The following DTWD2 variants were observed in gnomAD, a reference collection of about 807,000 sequenced individuals.
The protein encoded by DTWD2 is tRNA-uridine aminocarboxypropyltransferase 2.
A neutral mutation model predicts 31.8 loss-of-function variants in DTWD2; 39 were observed. The observed-to-expected ratio is 1.22, with a 90% CI of 0.95 to 1.60. The LOEUF is 1.60. Among genes scored for constraint, DTWD2 ranks in the 40% most tolerant of loss-of-function variants. The pLI is 0.00. For synonymous variants in DTWD2, 180 were observed against 142.8 expected (o/e 1.26, Z -1.86); for missense variants, 515 against 381.5 (o/e 1.35, Z -2.92).
Position 118,988,423 on chromosome 5 carries a change from T to A in DTWD2, c.89A>T (p.Glu30Val). ...ASSSQTPNDK[E>V]RREGGAVPAA... ...CGGCACTGCGCCGCCCTCCCGCCGCTCCTTGTCGTTCGGCGTCTGAGAGCT... is the reference window on the plus strand; with the variant it reads ...CGGCACTGCGCCGCCCTCCCGCCGCACCTTGTCGTTCGGCGTCTGAGAGCT... The change falls in exon 1 of 6, where the codon GAG becomes GTG. Residue 30 changes from glutamate (E) to valine (V), a missense_variant. Transcript: ENST00000510708. The A allele has an allele frequency of 2.5e-6, 4 of 1,606,652 alleles. No individual in the cohort carries two copies. The highest frequency in any genetic ancestry group is 3.4e-6 in the Non-Finnish European group (4 of 1,178,096).
intron 4 of DTWD2, among the ~76,000 whole-genome samples, chr5:118,854,562 T>C (rs1037496341): frequency 3.3e-5 from 5 of 152,064 alleles, no homozygotes; most frequent in African/African-American, 9.7e-5. Context: ...TTAAATTATA[T>C]AGTCATATAA....
chr5:118,901,385 A>C (rs1248544395), intron 4 of DTWD2, among the ~76,000 whole-genome samples: 1 of 152,224 alleles, frequency 6.6e-6, no homozygotes, highest in Non-Finnish European at 1.5e-5. Flanking sequence ...ATTTGAGAAA[A>C]ACCAGACAAT....
At chr5:118,875,730 C>G (rs1752606410) in intron 4 of DTWD2, among the ~76,000 whole-genome samples, 1 of 152,098 alleles carries the variant, frequency 6.6e-6, no homozygotes, top group Admixed American at 6.6e-5. Flanking sequence ...TCTCAGAGAC[C>G]TTCAAGGAGA....
chr5:118,985,517 TAC>T (rs1260597928), intron 1 of DTWD2, among the ~76,000 whole-genome samples: 4,070 of 107,706 alleles, frequency 0.038, 74 homozygotes, highest in Middle Eastern at 0.11. Context: ...TATATATATA[TAC>T]ACACACATAT....
chr5:118,845,002 C>G (rs1004261532), intron 5 of DTWD2, among the ~76,000 whole-genome samples: 2 of 152,090 alleles, frequency 1.3e-5, no homozygotes, highest in Non-Finnish European at 2.9e-5. Context: ...CAAAAATTAG[C>G]TGGGCATGGT....
chr5:118,962,040 G>A (rs962495115), intron 1 of DTWD2, among the ~76,000 whole-genome samples: 1 of 152,030 alleles, frequency 6.6e-6, no homozygotes, highest in African/African-American at 2.4e-5. Flanking sequence ...TCAGGAGTTC[G>A]AGACCAGTCT....
chr5:118,960,098 T>A (rs1754674229), intron 1 of DTWD2, among the ~76,000 whole-genome samples: 1 of 152,096 alleles, frequency 6.6e-6, no homozygotes, highest in Non-Finnish European at 1.5e-5. Flanking sequence ...CAAATGGGAC[T>A]TAATTAAAAA....
intron 1 of DTWD2, among the ~76,000 whole-genome samples, chr5:118,975,081 G>C (rs963211509): frequency 3.9e-5 from 6 of 152,138 alleles, no homozygotes; most frequent in Non-Finnish European, 7.3e-5. Context: ...GTCTTGCTAG[G>C]TTGGGGAAGT....
chr5:118,860,364 C>T (rs1200010030), intron 4 of DTWD2, among the ~76,000 whole-genome samples: 1 of 151,248 alleles, frequency 6.6e-6, no homozygotes, highest in Non-Finnish European at 1.5e-5. Flanking sequence ...AATATCATTC[C>T]TTTTCATATT....
At chr5:118,870,752 T>A (rs894994543) in intron 4 of DTWD2, among the ~76,000 whole-genome samples, 1 of 152,048 alleles carries the variant, frequency 6.6e-6, no homozygotes, top group African/African-American at 2.4e-5. Flanking sequence ...ATAATGAAGT[T>A]TGCTGCATCA....
At chr5:118,926,991 G>A (rs764282551) in intron 4 of DTWD2, among the ~76,000 whole-genome samples, 4 of 152,188 alleles carry the variant, frequency 2.6e-5, no homozygotes, top group Admixed American at 6.5e-5. Context: ...GCATGGTCAC[G>A]GTCCTGGTGA....
intron 5 of DTWD2, among the ~76,000 whole-genome samples, chr5:118,842,561 C>A (rs566383683): frequency 1.3e-5 from 2 of 152,264 alleles, no homozygotes; most frequent in African/African-American, 4.8e-5. Context: ...CCCACCTCAG[C>A]ATTTCTGATT....
intron 4 of DTWD2, among the ~76,000 whole-genome samples, chr5:118,911,260 T>A (rs1753452470): frequency 1.3e-5 from 2 of 152,236 alleles, no homozygotes; most frequent in Non-Finnish European, 2.9e-5. Context: ...GGTCAACAGG[T>A]ATATAATCTC....
chr5:118,921,531 A>AAAAG (rs779597098), intron 4 of DTWD2, among the ~76,000 whole-genome samples: 20 of 152,006 alleles, frequency 1.3e-4, no homozygotes, highest in Admixed American at 2.0e-4. Context: ...TAAAAAAAAA[A>AAAAG]AAAGAAAGAA....
intron 5 of DTWD2, among the ~76,000 whole-genome samples, chr5:118,842,956 T>G (rs1196553562): frequency 6.0e-5 from 8 of 133,504 alleles, no homozygotes; most frequent in Non-Finnish European, 1.2e-4. Context: ...TCTTCCTCTT[T>G]TTTTTTTTTT....
rs942571698 is a variant in DTWD2 at position 118,846,920 on chromosome 5, G to GCGCA, written c.726+1169_726+1170insTGCG. 5.2e-5 allele frequency among the ~76,000 whole-genome samples: 7 copies of GCGCA among 134,986 alleles called. No individual in the cohort carries two copies. In the East Asian group the frequency reaches 7.4e-4, roughly 14 times the overall value. The allele number at this position is 134,986 out of a possible 152,430, so 88.6% of individuals were successfully genotyped here. ...AAACAAAGTCTACTCAAACACACAG[G>GCGCA]CACACACACACACACACACACACAC... On this transcript the variant is annotated intron_variant, in intron 5 of 5. Coordinates refer to ENST00000510708, the MANE Select transcript of DTWD2 (RefSeq NM_173666.4).
Position 118,944,607 on chromosome 5 carries a change from G to A in DTWD2, c.261C>T (p.His87=), listed in dbSNP as rs770830179. The part of the protein sequence containing the change: ...KVCLCPFLPA[H]PLHISTHLYI... ...ACAAGTGGGTAGAGATATGCAGAGGGTGCGCTGGGAGAAATGGACACAAAC... is the reference window on the plus strand; with the variant it reads ...ACAAGTGGGTAGAGATATGCAGAGGATGCGCTGGGAGAAATGGACACAAAC... The change falls in exon 2 of 6, where the codon CAC becomes CAT. Residue 87 remains histidine, a synonymous_variant. Transcript: ENST00000510708. 1 of 1,613,656 alleles carries A rather than the reference G, an allele frequency of 6.2e-7. No individual in the cohort carries two copies. The highest frequency in any genetic ancestry group is 8.5e-7 in the Non-Finnish European group (1 of 1,179,778).
At chr5:118,899,610 G>C (rs1221792322) in intron 4 of DTWD2, among the ~76,000 whole-genome samples, 1 of 151,990 alleles carries the variant, frequency 6.6e-6, no homozygotes, top group African/African-American at 2.4e-5. Context: ...AAACACACTT[G>C]TGTAACTAGT....
At chr5:118,894,517 G>C (rs902193681) in intron 4 of DTWD2, among the ~76,000 whole-genome samples, 1 of 152,028 alleles carries the variant, frequency 6.6e-6, no homozygotes, top group Non-Finnish European at 1.5e-5. Context: ...TAAATAAATA[G>C]AACAGGAAAA....
Sources: allele counts gnomAD v4.1 joint callset (sites outside exome capture counted in the v4.1 genomes callset), GRCh38; gene constraint gnomAD v4.1.1; transcripts MANE v1.5; gene names NCBI Gene and HGNC (gene_info 2026-07-23, HGNC 2026-07-21).